The following NUDT5 variants were observed in gnomAD, a reference collection of about 807,000 sequenced individuals.
NUDT5 encodes the protein nudix hydrolase 5, also known as ADP-sugar pyrophosphatase.
In NUDT5, 21 loss-of-function variants were observed where a neutral mutation model predicts 34.1. That is an observed-to-expected ratio of 0.62 (90% confidence interval 0.44 to 0.89). The LOEUF (loss-of-function observed/expected upper bound fraction) is 0.89. Among genes scored for constraint, NUDT5 ranks in the 40% least tolerant of loss-of-function variants. The probability of loss-of-function intolerance (pLI) is 0.00; values close to 1 mark genes in which losing one functional copy is unlikely to be tolerated. For missense variants in NUDT5, 249 were observed against 274.8 expected, an observed-to-expected ratio of 0.91 and a Z score of 0.66; for synonymous variants, 85 against 97.6, an observed-to-expected ratio of 0.87 and a Z score of 0.76.
chr10:12,180,916 G>A (rs1016901221), intron 3 of NUDT5, among the ~76,000 whole-genome samples: 1 of 152,136 alleles, frequency 6.6e-6, no homozygotes, highest in African/African-American at 2.4e-5. Context: ...GGGTGACTTC[G>A]GCACTGTCTT....
At position 12,169,843 on chromosome 10, in the gene NUDT5, A is replaced by T. The variant is rs1288144974; in HGVS notation, c.550+874T>A. ...GAAAAGCTTAAGAAACTGGTCTTAA[A>T]GCTTCAGGCCAAACAATGCTTCAAA... On this transcript the variant is annotated intron_variant, in intron 9 of 9. Coordinates refer to ENST00000491614, the MANE Select transcript of NUDT5 (RefSeq NM_014142.4). This position sits in a 1 kb window ranked among gnomAD's most constrained non-coding sequence, Gnocchi z 4.8. 5.9e-6 allele frequency: 2 copies of T among 341,464 alleles called. No individual in the cohort carries two copies. Among genetic ancestry groups the T allele is most frequent in the African/African-American group, 4.2e-5 (2 of 47,616 alleles). 21.2% of individuals were successfully genotyped at this position (341,464 alleles called of 1,614,324 possible).
rs1834938957 is a variant in NUDT5 at position 12,175,762 on chromosome 10, A to G, written c.290-1949T>C. Among the ~76,000 whole-genome samples the G allele has an allele frequency of 1.3e-5, 2 of 150,554 alleles. No homozygotes were observed. The highest frequency in any genetic ancestry group is 4.9e-5 in the African/African-American group (2 of 40,888). On this transcript the variant is annotated intron_variant, in intron 5 of 9. Transcript: ENST00000491614. The surrounding 1 kb of genome is among the most constrained non-coding windows in gnomAD (Gnocchi z 4.8). ...AGCCTGGGCAACATGGCAAAACCCCATCTCTACAAAAAAATACAAAAAATG... is the reference window on the plus strand; with the variant it reads ...AGCCTGGGCAACATGGCAAAACCCCGTCTCTACAAAAAAATACAAAAAATG...
In NUDT5 at chr10:12,166,927, G is replaced by A. The variant is rs2131691505; in HGVS notation, c.*775C>T. On this transcript the variant is annotated 3_prime_UTR_variant, in exon 10 of 10. Coordinates refer to ENST00000491614, the MANE Select transcript of NUDT5 (RefSeq NM_014142.4). ...GCTGATCTTGCTGGTTCTGTTCATGGTTTAACATCAAGATATTACTGCCCC... is the reference window on the plus strand; with the variant it reads ...GCTGATCTTGCTGGTTCTGTTCATGATTTAACATCAAGATATTACTGCCCC... The A allele has an allele frequency of 3.5e-6, 1 of 286,018 alleles. No homozygotes were observed. The highest frequency in any genetic ancestry group is 3.2e-5 in the South Asian group (1 of 31,566). 17.7% of individuals were successfully genotyped at this position (286,018 alleles called of 1,614,324 possible).
intron 7 of NUDT5, among the ~76,000 whole-genome samples, chr10:12,172,276 A>G (rs1337463330): frequency 6.6e-6 from 1 of 151,794 alleles, no homozygotes; most frequent in Non-Finnish European, 1.5e-5. Context: ...ACAATTACTT[A>G]GGCCATTTTT....
intron 1 of NUDT5, among the ~76,000 whole-genome samples, chr10:12,193,252 A>G (rs968353352): frequency 2.0e-5 from 3 of 152,202 alleles, no homozygotes; most frequent in Non-Finnish European, 4.4e-5. Flanking sequence ...AGACTGGGAC[A>G]TCGGAAGAAA....
chr10:12,186,716 C>A (rs1409058039), intron 1 of NUDT5, among the ~76,000 whole-genome samples: 1 of 151,778 alleles, frequency 6.6e-6, no homozygotes, highest in Non-Finnish European at 1.5e-5. Flanking sequence ...CAACCTCCGC[C>A]TCCTGGGTTC....
Position 12,173,798 on chromosome 10 carries a change from CCAT to C in NUDT5, c.302_304del (p.Asp101del). On this transcript the variant is annotated inframe_deletion, in exon 6 of 10. Coordinates refer to ENST00000491614, the MANE Select transcript of NUDT5 (RefSeq NM_014142.4). The surrounding 1 kb of genome is among the most constrained non-coding windows in gnomAD (Gnocchi z 4.7). ...GAGAGCAGCTGCTTCTGGGGTTTCA[CCAT>C]CATCTATGAGACCTGCAAGTCCAAA... 6 of 1,613,628 alleles carry C rather than the reference CCAT, an allele frequency of 3.7e-6. No homozygotes were observed. Among genetic ancestry groups the C allele is most frequent in the Non-Finnish European group, 5.1e-6 (6 of 1,179,588 alleles).
In NUDT5 at chr10:12,169,620, G is replaced by A. The variant is rs1479283585; in HGVS notation, c.550+1097C>T. 2 of 276,030 alleles carry A rather than the reference G, an allele frequency of 7.2e-6. No individual in the cohort carries two copies. Among genetic ancestry groups the A allele is most frequent in the East Asian group, 7.1e-5 (1 of 14,006 alleles). 17.1% of individuals were successfully genotyped at this position (276,030 alleles called of 1,614,324 possible). ...TCTAACTCTGGCTTTGAGCTGTCGA[G>A]GTGGCTTCTACCTTAGGTCTAGTTT... is the stretch of plus-strand genomic sequence containing the variant. On this transcript the variant is annotated intron_variant, in intron 9 of 9. Coordinates refer to ENST00000491614, the MANE Select transcript of NUDT5 (RefSeq NM_014142.4). The surrounding 1 kb of genome is among the most constrained non-coding windows in gnomAD (Gnocchi z 4.8).
chr10:12,177,611 C>T (rs971726865), intron 5 of NUDT5, among the ~76,000 whole-genome samples, 182 bp downstream of exon 5: 12 of 152,174 alleles, frequency 7.9e-5, no homozygotes, highest in East Asian at 5.8e-4. Flanking sequence ...GTCGCCTTCA[C>T]GGGTTCAGAG....
In NUDT5 at chr10:12,173,741, C is replaced by G. The variant is rs1185025472; in HGVS notation, c.362G>C (p.Gly121Ala). The change falls in exon 6 of 10, where the codon GGG (glycine) becomes GCG (alanine). Residue 121 changes from glycine (G) to alanine (A), a missense_variant. Physicochemically the swap from Gly to Ala is moderately conservative, Grantham distance 60. Transcript: ENST00000491614. The surrounding 1 kb of genome is among the most constrained non-coding windows in gnomAD (Gnocchi z 4.7). ...RELEEETGYK[G>A]DIAECSPAVC... Reference sequence around the variant, plus strand: ...ACCTGGAGAACATTCGGCAATGTCCCCTTTGTAGCCAGTTTCTTCTTCAAG... The same window carrying G: ...ACCTGGAGAACATTCGGCAATGTCCGCTTTGTAGCCAGTTTCTTCTTCAAG... 6.2e-7 allele frequency: 1 copy of G among 1,613,942 alleles called. No homozygotes were observed. Among genetic ancestry groups the G allele is most frequent in the Non-Finnish European group, 8.5e-7 (1 of 1,179,838 alleles).
rs1419042043 is a variant in NUDT5, at chr10:12,182,769, C to T, written c.131+2120G>A. 6.6e-6 allele frequency among the ~76,000 whole-genome samples: 1 copy of T among 152,160 alleles called. No individual in the cohort carries two copies. The highest frequency in any genetic ancestry group is 1.5e-5 in the Non-Finnish European group (1 of 68,040). On this transcript the variant is annotated intron_variant, in intron 3 of 9. Coordinates refer to ENST00000491614, the MANE Select transcript of NUDT5 (RefSeq NM_014142.4). This position sits in a 1 kb window ranked among gnomAD's most constrained non-coding sequence, Gnocchi z 4.3. The stretch of plus-strand genomic sequence containing the variant: ...TTTTATTTTTTGAGATGGAGTCTCG[C>T]TCTGTCGCCCAGGCTGGAGTACAGT...
In NUDT5 at chr10:12,167,608, T is replaced by C. The variant is rs1834734617; in HGVS notation, c.*94A>G. 4.1e-6 allele frequency: 5 copies of C among 1,226,516 alleles called. No homozygotes were observed. Among genetic ancestry groups the C allele is most frequent in the Non-Finnish European group, 5.9e-6 (5 of 853,264 alleles). 76.0% of individuals were successfully genotyped at this position (1,226,516 alleles called of 1,614,324 possible). ...TGCTTTTATTTTACGAAAAAGCTAA[T>C]GGCAAATCTACATTAAACTAAGTTG... On this transcript the variant is annotated 3_prime_UTR_variant, in exon 10 of 10. Transcript: ENST00000491614.
intron 7 of NUDT5, 62 bp downstream of exon 7, chr10:12,172,703 C>T: frequency 9.2e-7 from 1 of 1,085,618 alleles, no homozygotes; most frequent in Non-Finnish European, 1.4e-6. Flanking sequence ...ATCAAACTAG[C>T]AGCAAGTTCC....
intron 1 of NUDT5, among the ~76,000 whole-genome samples, chr10:12,193,513 G>T (rs760005713): frequency 1.6e-4 from 24 of 152,172 alleles, no homozygotes; most frequent in Middle Eastern, 3.2e-3. Flanking sequence ...CTGTTGAAAG[G>T]TTTTATTGGA....
chr10:12,167,650 G>A lies in NUDT5; in HGVS notation c.*52C>T. 1 of 1,542,786 alleles carries A rather than the reference G, an allele frequency of 6.5e-7. No homozygotes were observed. The highest frequency in any genetic ancestry group is 8.9e-7 in the Non-Finnish European group (1 of 1,119,370). Reference sequence around the variant, plus strand: ...ACTAAGTTGAATACAAAGTCTTAGTGAAGAAGGCCTGGTGGTCTCGTTTAC... The same window carrying A: ...ACTAAGTTGAATACAAAGTCTTAGTAAAGAAGGCCTGGTGGTCTCGTTTAC... On this transcript the variant is annotated 3_prime_UTR_variant, in exon 10 of 10. Coordinates refer to ENST00000491614, the MANE Select transcript of NUDT5 (RefSeq NM_014142.4).
rs192503439 is a variant in NUDT5, at chr10:12,192,606, C to T, written c.-42+3164G>A. 4.4e-3 allele frequency among the ~76,000 whole-genome samples: 667 copies of T among 152,152 alleles called. 15 individuals are homozygous for T. The highest frequency in any genetic ancestry group is 1.5e-3 in the Non-Finnish European group (99 of 68,006). ...CGGTGGCTCATGCCTGTAATCCCAG[C>T]GCTTTCGGAGGCCAAGGCAGGTGGA... On this transcript the variant is annotated intron_variant, in intron 1 of 9. Transcript: ENST00000491614.
chr10:12,173,090 G>C lies in NUDT5; in HGVS notation c.386-224C>G, dbSNP rs781313952. ...CTTGCTAGGTCTGCGGGGTTAGATG[G>C]TACTGTCAAGTCATAAAATCCCTTC... On this transcript the variant is annotated intron_variant, in intron 6 of 9. Coordinates refer to ENST00000491614, the MANE Select transcript of NUDT5 (RefSeq NM_014142.4). The surrounding 1 kb of genome is among the most constrained non-coding windows in gnomAD (Gnocchi z 4.7). Among the ~76,000 whole-genome samples the C allele has an allele frequency of 3.6e-4, 55 of 152,182 alleles. No individual in the cohort carries two copies. The highest frequency in any genetic ancestry group is 6.5e-4 in the Non-Finnish European group (44 of 68,040).
Position 12,182,826 on chromosome 10 carries a change from T to G in NUDT5, c.131+2063A>C, listed in dbSNP as rs1229232990. The stretch of plus-strand genomic sequence containing the variant: ...GTCTCGGCTCACTGCAACCACCTCC[T>G]CCCGGGCTCAAGCAATTCTCCTGTC... On this transcript the variant is annotated intron_variant, in intron 3 of 9. Coordinates refer to ENST00000491614, the MANE Select transcript of NUDT5 (RefSeq NM_014142.4). This position sits in a 1 kb window ranked among gnomAD's most constrained non-coding sequence, Gnocchi z 4.3. Among the ~76,000 whole-genome samples, 1 of 152,222 alleles carries G rather than the reference T, an allele frequency of 6.6e-6. No homozygotes were observed. The highest frequency in any genetic ancestry group is 2.4e-5 in the African/African-American group (1 of 41,458).
Position 12,170,212 on chromosome 10 carries a change from A to C in NUDT5, c.550+505T>G, listed in dbSNP as rs1467111156. 4 of 1,610,468 alleles carry C rather than the reference A, an allele frequency of 2.5e-6. No homozygotes were observed. The highest frequency in any genetic ancestry group is 3.4e-6 in the Non-Finnish European group (4 of 1,177,786). On this transcript the variant is annotated intron_variant, in intron 9 of 9. Transcript: ENST00000491614. This position sits in a 1 kb window ranked among gnomAD's most constrained non-coding sequence, Gnocchi z 4.9. Reference sequence around the variant, plus strand: ...TGCATCTACATGACCAGTGATTTCTAAGGGCCACACAGCTGGTTTGGTTTA... The same window carrying C: ...TGCATCTACATGACCAGTGATTTCTCAGGGCCACACAGCTGGTTTGGTTTA...
Sources: gnomAD v4.1 joint callset for allele counts (sites outside exome capture counted in the v4.1 genomes callset) on GRCh38, gnomAD v4.1.1 for gene constraint, Gnocchi (gnomAD v3.1) non-coding constraint, MANE v1.5 for transcripts, NCBI Gene and HGNC (gene_info 2026-07-23, HGNC 2026-07-21) for gene names.